LRIG1: variants seen among roughly 807,000 people sequenced by gnomAD.
The protein encoded by LRIG1 is leucine rich repeats and immunoglobulin like domains 1, also known as leucine-rich repeats and immunoglobulin-like domains protein 1.
In LRIG1, 48 loss-of-function variants were observed where a neutral mutation model predicts 99.2. The observed-to-expected ratio is 0.48, with a 90% CI of 0.38 to 0.62. The LOEUF (loss-of-function observed/expected upper bound fraction) is 0.62, where lower values mean the gene tolerates loss of function less well. LRIG1 is among the 20% of genes least tolerant of loss of function. LRIG1 has a pLI of 0.00. For synonymous variants in LRIG1, 772 were observed against 596.1 expected (o/e 1.29, Z -4.30); for missense variants, 1,646 against 1,434.4 (o/e 1.15, Z -2.38).
At chr3:66,400,909 G>C (rs965090709) in intron 9 of LRIG1, among the ~76,000 whole-genome samples, 8 of 152,134 alleles carry the variant, frequency 5.3e-5, no homozygotes, top group Non-Finnish European at 1.0e-4. Context: ...GCCAGAGGGA[G>C]GCACCACCAG....
chr3:66,405,562 CCA>C (rs1702235499), intron 8 of LRIG1, among the ~76,000 whole-genome samples: 1 of 152,184 alleles, frequency 6.6e-6, no homozygotes, highest in South Asian at 2.1e-4. Flanking sequence ...TGCAGACAGC[CCA>C]GTCTGTATTC....
rs956536429 is a variant in LRIG1 at position 66,380,319 on chromosome 3, T to A, written c.3226A>T (p.Thr1076Ser). 1.9e-6 allele frequency: 3 copies of A among 1,614,192 alleles called. No individual in the cohort carries two copies. The highest frequency in any genetic ancestry group is 3.3e-5 in the Admixed American group (2 of 60,026). The change falls in exon 19 of 19, where the codon ACA becomes TCA. Residue 1076 changes from threonine to serine, a missense_variant. Physicochemically the swap from Thr to Ser is moderately conservative, Grantham distance 58. Transcript: ENST00000273261. ...CDASPESTPL[T>S]GQLPGKQRVP... is the part of the protein sequence containing the mutation. The stretch of plus-strand genomic sequence containing the variant: ...CTCTGTTTCCCGGGGAGCTGTCCTG[T>A]CAGTGGCGTGGACTCGGGACTGGCG...
intron 12 of LRIG1, among the ~76,000 whole-genome samples, chr3:66,388,667 G>A (rs986228384): frequency 3.3e-5 from 5 of 151,986 alleles, no homozygotes; most frequent in Admixed American, 2.0e-4. Context: ...TTTCTTACCA[G>A]AACCCACAGA....
At chr3:66,463,200 C>T (rs1204144198) in intron 1 of LRIG1, among the ~76,000 whole-genome samples, 2 of 152,128 alleles carry the variant, frequency 1.3e-5, no homozygotes, top group African/African-American at 2.4e-5. Context: ...GAGCTTAAGA[C>T]TAAAAATTGC....
intron 1 of LRIG1, among the ~76,000 whole-genome samples, chr3:66,482,096 G>C (rs1025541101): frequency 1.4e-4 from 21 of 152,234 alleles, no homozygotes; most frequent in African/African-American, 5.1e-4. Flanking sequence ...CGGGCAGCCT[G>C]GGCACAGGCA....
chr3:66,413,043 G>A, intron 5 of LRIG1, 29 bp from the exon 6 acceptor site: 3 of 1,613,836 alleles, frequency 1.9e-6, no homozygotes, highest in Non-Finnish European at 2.5e-6. Context: ...CAGGGTCAGA[G>A]TGTCTTATGT....
chr3:66,423,657 G>A (rs2106719133), intron 3 of LRIG1, among the ~76,000 whole-genome samples: 1 of 152,332 alleles, frequency 6.6e-6, no homozygotes, highest in Admixed American at 6.5e-5. Flanking sequence ...TGTCTCCCAA[G>A]TAAGTCCTGT....
chr3:66,392,854 G>C (rs558138763), intron 12 of LRIG1, among the ~76,000 whole-genome samples: 10 of 152,182 alleles, frequency 6.6e-5, no homozygotes, highest in African/African-American at 2.4e-4. Context: ...AATGAACAAT[G>C]GATTATACAG....
At chr3:66,441,496 G>A (rs1308348116) in intron 3 of LRIG1, among the ~76,000 whole-genome samples, 4 of 152,180 alleles carry the variant, frequency 2.6e-5, no homozygotes, top group African/African-American at 7.2e-5. Flanking sequence ...ATAGTAGGGG[G>A]AAGGACCTTC....
At chr3:66,445,978 G>C (rs373410822) in intron 3 of LRIG1, among the ~76,000 whole-genome samples, 1 of 152,220 alleles carries the variant, frequency 6.6e-6, no homozygotes, top group South Asian at 2.1e-4. Context: ...GCCTTCTAAG[G>C]GACTCTCATT....
intron 3 of LRIG1, among the ~76,000 whole-genome samples, chr3:66,433,264 ATAGG>A (rs1314144414): frequency 1.3e-5 from 2 of 152,254 alleles, no homozygotes; most frequent in Non-Finnish European, 2.9e-5. Context: ...AGATGCAAGC[ATAGG>A]TATCCTCTGA....
intron 3 of LRIG1, among the ~76,000 whole-genome samples, chr3:66,438,283 C>A (rs1703427495): frequency 6.6e-6 from 1 of 152,206 alleles, no homozygotes; most frequent in Non-Finnish European, 1.5e-5. Flanking sequence ...AATTCATAAA[C>A]ATGTGAGCCT....
chr3:66,417,479 A>T (rs1702649845), intron 3 of LRIG1: 1 of 566,632 alleles, frequency 1.8e-6, no homozygotes, highest in Non-Finnish European at 3.1e-6. Flanking sequence ...AGTTTATCAA[A>T]GTTCTATCCC....
At position 66,500,704 on chromosome 3, in the gene LRIG1, T is replaced by C; in HGVS notation, c.-297A>G. 4.7e-6 allele frequency: 1 copy of C among 211,966 alleles called. No homozygotes were observed. The highest frequency in any genetic ancestry group is 1.0e-4 in the East Asian group (1 of 9,878). The allele number at this position is 211,966 out of a possible 1,614,324, so 13.1% of individuals were successfully genotyped here. A position where few individuals can be genotyped will look rare whatever the true frequency, so the allele number is the denominator to read the frequency against. ...GGCAAGGTGTACCCAGCCTGCGCTCTTCGTCCGCCCGGGGCACGCCGAGTG... is the reference window on the plus strand; with the variant it reads ...GGCAAGGTGTACCCAGCCTGCGCTCCTCGTCCGCCCGGGGCACGCCGAGTG... On this transcript the variant is annotated 5_prime_UTR_variant, in exon 1 of 19. Coordinates refer to ENST00000273261, the MANE Select transcript of LRIG1 (RefSeq NM_015541.3).
Position 66,382,410 on chromosome 3 carries a change from C to G in LRIG1, c.2492-12G>C. The G allele has an allele frequency of 4.3e-6, 7 of 1,614,176 alleles. No individual in the cohort carries two copies. Among genetic ancestry groups the G allele is most frequent in the Non-Finnish European group, 5.1e-6 (6 of 1,180,012 alleles). On this transcript the variant is annotated splice_polypyrimidine_tract_variant and intron_variant, in intron 15 of 18. Coordinates refer to ENST00000273261, the MANE Select transcript of LRIG1 (RefSeq NM_015541.3). ...CACGACGGTTTCATCTGCAAGGAGA[C>G]AGAACAAATAGAACACCAGGGTCTC...
rs201638539 is a variant in LRIG1, at chr3:66,417,143, C to A, written c.489G>T (p.Pro163=). 3 of 1,614,086 alleles carry A rather than the reference C, an allele frequency of 1.9e-6. No homozygotes were observed. The highest frequency in any genetic ancestry group is 2.2e-5 in the East Asian group (1 of 44,870). ...EVRNTCFPHG[P]PIKELNLAGN... ...GAGGCACTTACAGCTCCTTTATAGG[C>A]GGTCCGTGTGGAAAGCAGGTGTTCC... Residue 163 remains proline, a synonymous_variant, in exon 4 of 19, where the codon CCG becomes CCT. Transcript: ENST00000273261.
intron 12 of LRIG1, among the ~76,000 whole-genome samples, chr3:66,392,563 A>G (rs1701663497): frequency 6.8e-6 from 1 of 146,726 alleles, no homozygotes; most frequent in Admixed American, 6.8e-5. Context: ...TCTTCTGCCA[A>G]GTGTTTTCAT....
rs150377478 is a variant in LRIG1 at position 66,395,405 on chromosome 3, G to C, written c.1305-1202C>G. 6.6e-4 allele frequency among the ~76,000 whole-genome samples: 101 copies of C among 152,188 alleles called. 1 individual carries two copies. The highest frequency in any genetic ancestry group is 2.4e-4 in the Non-Finnish European group (16 of 68,028). Reference sequence around the variant, plus strand: ...GCAGAGAAACTGTCACAGCAAGGAAGAATGAAGTGTAAGCAGATGACCCAA... The same window carrying C: ...GCAGAGAAACTGTCACAGCAAGGAACAATGAAGTGTAAGCAGATGACCCAA... On this transcript the variant is annotated intron_variant, in intron 11 of 18. Transcript: ENST00000273261.
chr3:66,482,086 C>T (rs1013737216), intron 1 of LRIG1, among the ~76,000 whole-genome samples: 2 of 152,216 alleles, frequency 1.3e-5, no homozygotes, highest in Admixed American at 6.5e-5. Flanking sequence ...GGCCACAGAC[C>T]GGGCAGCCTG....
Sources: gnomAD v4.1 joint callset for allele counts (sites outside exome capture counted in the v4.1 genomes callset) on GRCh38, gnomAD v4.1.1 for gene constraint, MANE v1.5 for transcripts, NCBI Gene and HGNC (gene_info 2026-07-23, HGNC 2026-07-21) for gene names.